OR4P4: variants seen among roughly 807,000 people sequenced by gnomAD.
OR4P4 encodes the protein olfactory receptor family 4 subfamily P member 4.
A neutral mutation model predicts 2.1 loss-of-function variants in OR4P4; 1 was observed. The observed-to-expected ratio is 0.47, with a 90% CI of 0.17 to 2.21. OR4P4 has a LOEUF of 2.21. Ranked by LOEUF, OR4P4 falls within the 30% of genes most tolerant of loss-of-function variation. The probability of loss-of-function intolerance (pLI) is 0.27; values close to 1 mark genes in which losing one functional copy is unlikely to be tolerated. For missense variants in OR4P4, 375 were observed against 376.5 expected, an observed-to-expected ratio of 1.00 and a Z score of 0.03; for synonymous variants, 129 against 133.2, an observed-to-expected ratio of 0.97 and a Z score of 0.22.
intron 1 of OR4P4, 38 bp downstream of exon 1, chr11:55,635,254 T>C (rs1858374758): frequency 7.3e-6 from 1 of 137,928 alleles, no homozygotes; most frequent in South Asian, 2.3e-4. Flanking sequence ...AATAATTAAC[T>C]GTAAGTAAGT....
chr11:55,639,058 C>G lies in OR4P4; in HGVS notation c.701C>G (p.Ala234Gly), dbSNP rs771803016. 3.4e-6 allele frequency: 5 copies of G among 1,491,772 alleles called. 2 individuals are homozygous for G. Among genetic ancestry groups the G allele is most frequent in the Non-Finnish European group, 4.6e-6 (5 of 1,096,158 alleles). The allele number at this position is 1,491,772 out of a possible 1,614,324, so 92.4% of individuals were successfully genotyped here. A position where few individuals can be genotyped will look rare whatever the true frequency, so the allele number is the denominator to read the frequency against. ...TACTCTGCAGAGAGACGCAGCAAAG[C>G]TCTTGCCACTTGTAGTTCTCATGTA... The change falls in exon 2 of 2, where the codon GCT (alanine) becomes GGT (glycine). Residue 234 changes from alanine to glycine, a missense_variant. Transcript: ENST00000641760.
chr11:55,635,439 T>TA (rs1858376387), intron 1 of OR4P4, among the ~76,000 whole-genome samples: 1 of 137,636 alleles, frequency 7.3e-6, no homozygotes, highest in African/African-American at 2.5e-5. Context: ...AACTTTTTTT[T>TA]ATGGGGTGGC....
chr11:55,638,359 TG>T lies in OR4P4; in HGVS notation c.4del (p.Glu2?). On this transcript the variant is annotated frameshift_variant and start_lost, in exon 2 of 2. Coordinates refer to ENST00000641760, the Ensembl canonical transcript of OR4P4. LOFTEE classifies it low-confidence loss of function (END_TRUNC). ...TATATGTTCTATCTACACTGGACCA[TG>T]GAAAAAAGCAATAATAGCACTTTGT... is the stretch of plus-strand genomic sequence containing the variant. 7.5e-7 allele frequency: 1 copy of T among 1,325,944 alleles called. No individual in the cohort carries two copies. The highest frequency in any genetic ancestry group is 1.0e-6 in the Non-Finnish European group (1 of 972,472). 82.1% of individuals were successfully genotyped at this position (1,325,944 alleles called of 1,614,324 possible).
exon 2 of OR4P4, chr11:55,638,686 T>C (rs1858420435): frequency 1.3e-6 from 2 of 1,491,506 alleles, no homozygotes; most frequent in South Asian, 1.2e-5. Flanking sequence ...GGCATAGAGA[T>C]CTTCATTCTC....
chr11:55,638,231 G>T, intron 1 of OR4P4, 97 bp from the exon 2 acceptor site: 1 of 544,234 alleles, frequency 1.8e-6, no homozygotes, highest in Non-Finnish European at 3.2e-6. Context: ...TGAACCACTT[G>T]AATGAGGTAA....
Position 55,639,417 on chromosome 11 carries a change from G to T in OR4P4, c.*121G>T, listed in dbSNP as rs1006452240. 41 of 562,462 alleles carry T rather than the reference G, an allele frequency of 7.3e-5. 2 individuals carry two copies. The African/African-American group carries it at 7.8e-4, about 11-fold the overall frequency. 34.8% of individuals were successfully genotyped at this position (562,462 alleles called of 1,614,324 possible). The stretch of plus-strand genomic sequence containing the variant: ...AAACAGGAAGCATATCCCTTCTGTG[G>T]TTTTATACTTCTACATTGACATCTC... On this transcript the variant is annotated 3_prime_UTR_variant, in exon 2 of 2. Coordinates refer to ENST00000641760, the Ensembl canonical transcript of OR4P4.
rs1208867892 is a variant in OR4P4, at chr11:55,635,527, A to G, written c.-31+311A>G. 4.4e-5 allele frequency among the ~76,000 whole-genome samples: 6 copies of G among 137,286 alleles called. 1 individual carries two copies. The highest frequency in any genetic ancestry group is 1.6e-4 in the Admixed American group (2 of 12,524). The allele number at this position is 137,286 out of a possible 152,430, so 90.1% of individuals were successfully genotyped here. Reference sequence around the variant, plus strand: ...GTATGAATTTTGTGTTTGCTTGTGCATAAGTTGGGGAAAATAGAAAGTGAA... The same window carrying G: ...GTATGAATTTTGTGTTTGCTTGTGCGTAAGTTGGGGAAAATAGAAAGTGAA... On this transcript the variant is annotated intron_variant, in intron 1 of 1. Transcript: ENST00000641760.
At chr11:55,637,765 G>A (rs1858405318) in intron 1 of OR4P4, among the ~76,000 whole-genome samples, 1 of 138,132 alleles carries the variant, frequency 7.2e-6, no homozygotes, top group South Asian at 2.3e-4. Context: ...ATAATTCAGT[G>A]TCATCTTTGC....
In OR4P4 at chr11:55,638,380, CT is replaced by C. The variant is rs1344291665; in HGVS notation, c.26del (p.Leu9CysfsTer35). The stretch of plus-strand genomic sequence containing the variant: ...ACCATGGAAAAAAGCAATAATAGCA[CT>C]TTGTTTATTCTCTTGGGGTTTTCCC... On this transcript the variant is annotated frameshift_variant, in exon 2 of 2. Coordinates refer to ENST00000641760, the Ensembl canonical transcript of OR4P4. LOFTEE classifies it low-confidence loss of function (END_TRUNC). The C allele has an allele frequency of 2.8e-6, 4 of 1,406,036 alleles. 1 individual carries two copies. The Admixed American group carries it at 7.1e-5, about 25-fold the overall frequency. The allele number at this position is 1,406,036 out of a possible 1,614,324, so 87.1% of individuals were successfully genotyped here.
At chr11:55,636,075 G>C (rs559785707) in intron 1 of OR4P4, among the ~76,000 whole-genome samples, 2 of 137,986 alleles carry the variant, frequency 1.4e-5, no homozygotes, top group East Asian at 2.4e-4. Context: ...ATTGTGAGAA[G>C]AGTTCTTAGA....
Position 55,638,559 on chromosome 11 carries a change from G to A in OR4P4, c.202G>A (p.Asp68Asn), listed in dbSNP as rs775459445. ...CTTCCTCAATTACCTCTCACTCTCCGACCTTTGCTACACATCCACAGTGAC... is the reference window on the plus strand; with the variant it reads ...CTTCCTCAATTACCTCTCACTCTCCAACCTTTGCTACACATCCACAGTGAC... Residue 68 changes from aspartate (D) to asparagine (N), a missense_variant, in exon 2 of 2, where the codon GAC (aspartate) becomes AAC (asparagine). Transcript: ENST00000641760. 2.5e-5 allele frequency: 37 copies of A among 1,479,950 alleles called. 8 individuals carry two copies. In the Admixed American group the frequency reaches 2.8e-4, roughly 11 times the overall value. The allele number at this position is 1,479,950 out of a possible 1,614,324, so 91.7% of individuals were successfully genotyped here.
exon 2 of OR4P4, chr11:55,638,624 C>G: frequency 6.7e-7 from 1 of 1,489,718 alleles, no homozygotes; most frequent in Non-Finnish European, 9.1e-7. Context: ...AAAGAAAGAC[C>G]ATTTCCTATA....
In OR4P4 at chr11:55,638,661, A is replaced by T. The variant is rs376141171; in HGVS notation, c.304A>T (p.Thr102Ser). The stretch of plus-strand genomic sequence containing the variant: ...TAACTGTATGATACAACTCTTTACC[A>T]CCCATTTTTTTGGAGGCATAGAGAT... The change falls in exon 2 of 2, where the codon ACC (threonine) becomes TCC (serine). Residue 102 changes from threonine (T) to serine (S), a missense_variant. Thr to Ser is a moderately conservative substitution (Grantham distance 58). Coordinates refer to ENST00000641760, the Ensembl canonical transcript of OR4P4. 24 of 1,491,766 alleles carry T rather than the reference A, an allele frequency of 1.6e-5. 7 individuals are homozygous for T. The highest frequency in any genetic ancestry group is 3.8e-4 in the Middle Eastern group (2 of 5,296). 92.4% of individuals were successfully genotyped at this position (1,491,766 alleles called of 1,614,324 possible).
At chr11:55,638,457 A>G (rs759758809) in exon 2 of OR4P4, 2 of 1,467,618 alleles carry the variant, frequency 1.4e-6, no homozygotes, top group Admixed American at 2.0e-5. Flanking sequence ...GTTTTGCTAC[A>G]TTGCTATTTG....
Position 55,639,234 on chromosome 11 carries a change from A to G in OR4P4, c.877A>G (p.Lys293Glu). The G allele has an allele frequency of 2.7e-6, 4 of 1,488,026 alleles. 2 individuals carry two copies. The highest frequency in any genetic ancestry group is 3.7e-6 in the Non-Finnish European group (4 of 1,094,956). 92.2% of individuals were successfully genotyped at this position (1,488,026 alleles called of 1,614,324 possible). ...ATACACGCTGAGAAACACAGAGATG[A>G]AGAACGCCATGAGGAAAGTGTGGTG... Residue 293 changes from lysine (K) to glutamate (E), a missense_variant, in exon 2 of 2, where the codon AAG (lysine) becomes GAG (glutamate). Coordinates refer to ENST00000641760, the Ensembl canonical transcript of OR4P4.
At chr11:55,638,828 G>C in exon 2 of OR4P4, 2 of 1,491,918 alleles carry the variant, frequency 1.3e-6, no homozygotes, top group South Asian at 2.4e-5. Flanking sequence ...CTGCCAGTCA[G>C]TTTCTTCTCA....
exon 2 of OR4P4, chr11:55,639,187 C>A (rs758248551): frequency 6.7e-7 from 1 of 1,486,964 alleles, no homozygotes; most frequent in Admixed American, 2.0e-5. Flanking sequence ...ACCATCATTG[C>A]TCCCATGTTC....
In OR4P4 at chr11:55,638,982, TTTGTTGTCTTG is replaced by T. The variant is rs758708575; in HGVS notation, c.636_646del (p.Leu213CysfsTer23). 4.0e-6 allele frequency: 6 copies of T among 1,488,156 alleles called. No individual in the cohort carries two copies. The African/African-American group carries it at 8.3e-5, about 21-fold the overall frequency. The allele number at this position is 1,488,156 out of a possible 1,614,324, so 92.2% of individuals were successfully genotyped here. On this transcript the variant is annotated frameshift_variant, in exon 2 of 2. Transcript: ENST00000641760. LOFTEE classifies it low-confidence loss of function (END_TRUNC). ...TTCAGGCTTAATTGCTTTGGTGACA[TTTGTTGTCTTG>T]TTGTTGTCTTATGTTTTTATATTGT...
rs1278227717 is a variant in OR4P4, at chr11:55,638,453, C to T, written c.96C>T (p.Cys32=). The T allele has an allele frequency of 2.7e-6, 4 of 1,464,774 alleles. 1 individual carries two copies. The highest frequency in any genetic ancestry group is 3.7e-6 in the Non-Finnish European group (4 of 1,074,088). The allele number at this position is 1,464,774 out of a possible 1,614,324, so 90.7% of individuals were successfully genotyped here. A position where few individuals can be genotyped will look rare whatever the true frequency, so the allele number is the denominator to read the frequency against. ...TCTGCTTTGTATTATTTTTGTTTTG[C>T]TACATTGCTATTTGGATGGGAAACT... The change falls in exon 2 of 2, where the codon TGC becomes TGT. Residue 32 remains cysteine, a synonymous_variant. Transcript: ENST00000641760.
Sources: gnomAD v4.1 joint callset for allele counts (sites outside exome capture counted in the v4.1 genomes callset) on GRCh38, gnomAD v4.1.1 for gene constraint, MANE v1.5 for transcripts, NCBI Gene and HGNC (gene_info 2026-07-23, HGNC 2026-07-21) for gene names.